The following TSEN34 variants were observed in gnomAD, a reference collection of about 807,000 sequenced individuals.
TSEN34 encodes tRNA splicing endonuclease subunit 34, also known as tRNA-splicing endonuclease subunit Sen34.
TSEN34 carries 25 observed loss-of-function variants against 30.2 expected under a neutral mutation model. The ratio of observed to expected loss-of-function variants is 0.83; its 90% CI spans 0.60 to 1.16. TSEN34 has a LOEUF of 1.16. Among genes scored for constraint, TSEN34 ranks in the 50% most tolerant of loss-of-function variants. The probability of loss-of-function intolerance (pLI) is 0.00; values close to 1 mark genes in which losing one functional copy is unlikely to be tolerated. For synonymous variants in TSEN34, 209 were observed against 177.4 expected, an observed-to-expected ratio of 1.18 and a Z score of -1.41; for missense variants, 475 against 411.9, an observed-to-expected ratio of 1.15 and a Z score of -1.33.
At chr19:54,190,288 T>G, upstream of TSEN34, 1 of 1,348,186 alleles carries the variant, frequency 7.4e-7, no homozygotes, top group Non-Finnish European at 1.0e-6. Context: ...GACGAGGGTG[T>G]CGGCATGAGG....
intron 3 of TSEN34, 71 bp downstream of exon 3, chr19:54,192,444 T>C: frequency 1.0e-6 from 1 of 962,706 alleles, no homozygotes; most frequent in Non-Finnish European, 1.4e-6. Flanking sequence ...CGTTTTTCTT[T>C]TTTTTTTTTT....
upstream of TSEN34, chr19:54,190,311 G>A: frequency 2.0e-6 from 3 of 1,480,076 alleles, no homozygotes; most frequent in South Asian, 1.2e-5. Context: ...GTGGAGCAAG[G>A]AGCGCGTGGC....
At chr19:54,190,277 TGAC>T (rs796776265), upstream of TSEN34, 40 of 1,278,006 alleles carry the variant, frequency 3.1e-5, no homozygotes, top group African/African-American at 5.4e-4. Context: ...ATGACGAAGT[TGAC>T]GAGGGTGTCG....
Position 54,191,849 on chromosome 19 carries a change from G to A in TSEN34, c.372G>A (p.Lys124=), listed in dbSNP as rs769851166. ...TTACGGAGGGCCAGGCTGCTAAGAA[G>A]CAGAAACTAGAACAGGCTTCAGGGG... ...EKITEGQAAK[K]QKLEQASGAS... is the part of the protein sequence containing the mutation. Residue 124 remains lysine, a synonymous_variant, in exon 2 of 4, where the codon AAG becomes AAA. Coordinates refer to ENST00000396388, the MANE Select transcript of TSEN34 (RefSeq NM_001077446.4). 2 of 1,614,196 alleles carry A rather than the reference G, an allele frequency of 1.2e-6. No individual in the cohort carries two copies. Among genetic ancestry groups the A allele is most frequent in the East Asian group, 2.2e-5 (1 of 44,876 alleles).
rs1309053549 is a variant in TSEN34 at position 54,191,485 on chromosome 19, C to CG, written c.122dup (p.Gln42ProfsTer62). On this transcript the variant is annotated frameshift_variant, in exon 1 of 4. Transcript: ENST00000396388. LOFTEE classifies it high-confidence loss of function. ...GGTAGGCGCCCTGCCCCGCGGGCCC[C>CG]GCCAGAACTCGCGCCTGGGCCTCCC... is the stretch of plus-strand genomic sequence containing the variant. 1 of 1,559,748 alleles carries CG rather than the reference C, an allele frequency of 6.4e-7. No homozygotes were observed. The highest frequency in any genetic ancestry group is 8.6e-7 in the Non-Finnish European group (1 of 1,156,202).
chr19:54,192,323 T>A lies in TSEN34; in HGVS notation c.695T>A (p.Phe232Tyr). ...SIYRDLWERG[F>Y]FLSAAGKFGG... ...TACAGAGACCTGTGGGAGCGAGGCTTCTTCCTCAGTGCGGCTGGCAAGTTC... is the reference window on the plus strand; with the variant it reads ...TACAGAGACCTGTGGGAGCGAGGCTACTTCCTCAGTGCGGCTGGCAAGTTC... The change falls in exon 3 of 4, where the codon TTC becomes TAC. Residue 232 changes from phenylalanine to tyrosine, a missense_variant. Phe to Tyr is a conservative substitution (Grantham distance 22). Transcript: ENST00000396388. The A allele has an allele frequency of 6.2e-7, 1 of 1,614,208 alleles. No individual in the cohort carries two copies. The highest frequency in any genetic ancestry group is 8.5e-7 in the Non-Finnish European group (1 of 1,180,042).
chr19:54,190,534 C>T, upstream of TSEN34: 1 of 1,286,146 alleles, frequency 7.8e-7, no homozygotes, highest in Non-Finnish European at 1.0e-6. Flanking sequence ...AGGGCGGGAA[C>T]TCCCCAACTG....
upstream of TSEN34, chr19:54,191,002 T>C: frequency 2.7e-6 from 3 of 1,114,400 alleles, no homozygotes; most frequent in South Asian, 6.5e-5. Context: ...TCGCCGCGCT[T>C]GCGGAGGTTT....
chr19:54,193,111 C>A, intron 3 of TSEN34, 64 bp from the exon 4 acceptor site: 1 of 1,609,646 alleles, frequency 6.2e-7, no homozygotes, highest in South Asian at 1.1e-5. Context: ...TCCCAGTGGT[C>A]GTTCCCGTGG....
upstream of TSEN34, chr19:54,190,741 C>G: frequency 1.7e-6 from 2 of 1,191,576 alleles, no homozygotes; most frequent in Non-Finnish European, 2.1e-6. Flanking sequence ...CGAGGACGCC[C>G]GAACGCCGAA....
chr19:54,190,984 G>C (rs1424448998), upstream of TSEN34: 1 of 1,105,692 alleles, frequency 9.0e-7, no homozygotes, highest in Non-Finnish European at 1.1e-6. Context: ...CCTTTGTAAG[G>C]GGGCGTGTCG....
In TSEN34 at chr19:54,193,387, C is replaced by T. The variant is rs1316015156; in HGVS notation, c.*25C>T. The T allele has an allele frequency of 9.3e-6, 15 of 1,613,752 alleles. No homozygotes were observed. The highest frequency in any genetic ancestry group is 1.2e-5 in the Non-Finnish European group (14 of 1,179,866). On this transcript the variant is annotated 3_prime_UTR_variant, in exon 4 of 4. Transcript: ENST00000396388. ...AACTCCAGAGACCTAGGGGATGTGG[C>T]TGTGTCGGCAGCAAGAGCCTTTCTG...
At chr19:54,191,095 G>A, upstream of TSEN34, 1 of 1,329,684 alleles carries the variant, frequency 7.5e-7, no homozygotes, top group Non-Finnish European at 9.6e-7. Context: ...CAAGGGTAGA[G>A]CGGGACCCTG....
Position 54,193,482 on chromosome 19 carries a change from C to G in TSEN34, c.*120C>G, listed in dbSNP as rs533666292. On this transcript the variant is annotated 3_prime_UTR_variant, in exon 4 of 4. Coordinates refer to ENST00000396388, the MANE Select transcript of TSEN34 (RefSeq NM_001077446.4). ...CTTTCTCCGCGGTTAGTTTTTGATTCCAGGTTTTCGAACACTACATCTTTT... is the reference window on the plus strand; with the variant it reads ...CTTTCTCCGCGGTTAGTTTTTGATTGCAGGTTTTCGAACACTACATCTTTT... 1.9e-6 allele frequency: 3 copies of G among 1,554,762 alleles called. No homozygotes were observed. The highest frequency in any genetic ancestry group is 2.6e-6 in the Non-Finnish European group (3 of 1,149,516).
chr19:54,189,963 T>C (rs1568838399), upstream of TSEN34: 1 of 358,466 alleles, frequency 2.8e-6, no homozygotes, highest in Admixed American at 4.7e-5. Flanking sequence ...ACTTCGTAGA[T>C]AGTTGGGTAC....
rs2076787175 is a variant in TSEN34, at chr19:54,193,519, C to T, written c.*157C>T. 8 of 1,539,846 alleles carry T rather than the reference C, an allele frequency of 5.2e-6. No individual in the cohort carries two copies. The highest frequency in any genetic ancestry group is 1.4e-5 in the African/African-American group (1 of 72,824). ...ACACTACATCTTTTTTATGTTCTTC[C>T]TTGTTTCAAAGCACTTATTGGCTGT... On this transcript the variant is annotated 3_prime_UTR_variant, in exon 4 of 4. Transcript: ENST00000396388.
In TSEN34 at chr19:54,191,356, C is replaced by G. The variant is rs373725676; in HGVS notation, c.-9C>G. ...GGTAACTGCTTTGCCTCCCGGCTCCCGCAGGAGGATGCTGGTGGTGGAGGT... is the reference window on the plus strand; with the variant it reads ...GGTAACTGCTTTGCCTCCCGGCTCCGGCAGGAGGATGCTGGTGGTGGAGGT... On this transcript the variant is annotated 5_prime_UTR_variant, in exon 1 of 4. Coordinates refer to ENST00000396388, the MANE Select transcript of TSEN34 (RefSeq NM_001077446.4). 2.3e-5 allele frequency: 35 copies of G among 1,549,606 alleles called. No individual in the cohort carries two copies. The highest frequency in any genetic ancestry group is 1.7e-5 in the Non-Finnish European group (19 of 1,147,032).
In TSEN34 at chr19:54,193,747, A is replaced by T. The variant is rs36622; in HGVS notation, c.*385A>T. The T allele has an allele frequency of 1.8e-3, 1,306 of 712,390 alleles. 25 individuals carry two copies. In the East Asian group the frequency reaches 0.03, roughly 16 times the overall value. The allele number at this position is 712,390 out of a possible 1,614,324, so 44.1% of individuals were successfully genotyped here. On this transcript the variant is annotated 3_prime_UTR_variant, in exon 4 of 4. Transcript: ENST00000396388. ...TACAGGTGAGAAAAAGGCCTGGAGGAGGGGGACTGACTTGCCCAAAGTCAC... is the reference window on the plus strand; with the variant it reads ...TACAGGTGAGAAAAAGGCCTGGAGGTGGGGGACTGACTTGCCCAAAGTCAC...
At chr19:54,190,020 C>T (rs957715680), upstream of TSEN34, 22 of 523,322 alleles carry the variant, frequency 4.2e-5, no homozygotes, top group South Asian at 2.3e-4. Context: ...CGCCAGACAC[C>T]CATGAGTATT....
Sources: gnomAD v4.1 joint callset for allele counts on GRCh38, gnomAD v4.1.1 for gene constraint, MANE v1.5 for transcripts, NCBI Gene and HGNC (gene_info 2026-07-23, HGNC 2026-07-21) for gene names.